Variants in GPHN observed in about 807,000 individuals in gnomAD.
GPHN encodes the protein gephyrin.
Under a neutral mutation model 95.5 loss-of-function variants are expected in GPHN, and 17 were observed. The observed-to-expected ratio is 0.18, with a 90% confidence interval of 0.12 to 0.27. The LOEUF (loss-of-function observed/expected upper bound fraction) is 0.27, where lower values mean the gene tolerates loss of function less well. Ranked by LOEUF, GPHN falls within the 10% of genes least tolerant of loss-of-function variation. GPHN has a pLI of 1.00. For missense variants in GPHN, 660 were observed against 978.1 expected (o/e 0.67, Z 4.34); for synonymous variants, 320 against 322.5 (o/e 0.99, Z 0.08).
intron 4 of GPHN, among the ~76,000 whole-genome samples, chr14:66,826,731 G>T (rs1219330878): frequency 6.6e-6 from 1 of 152,146 alleles, no homozygotes; most frequent in Non-Finnish European, 1.5e-5. Flanking sequence ...AGGTATAGGG[G>T]CAAGGAGGTT....
the GPHN span, among the ~76,000 whole-genome samples, chr14:67,479,623 C>T: frequency 2.0e-5 from 3 of 152,012 alleles, no homozygotes; most frequent in Non-Finnish European, 4.4e-5. Flanking sequence ...GAGGCTGAGG[C>T]AGGAGAATCG....
chr14:66,513,343 A>G (rs754743180), intron 1 of GPHN, among the ~76,000 whole-genome samples: 1 of 151,818 alleles, frequency 6.6e-6, no homozygotes, highest in Non-Finnish European at 1.5e-5. Context: ...AAAAACACAT[A>G]CAACTATTTG....
intron 19 of GPHN, among the ~76,000 whole-genome samples, chr14:67,160,798 C>G (rs2081933265): frequency 6.6e-6 from 1 of 152,176 alleles, no homozygotes; most frequent in Non-Finnish European, 1.5e-5. Flanking sequence ...AGCTAGCCCT[C>G]CTAATAAGTA....
intron 4 of GPHN, among the ~76,000 whole-genome samples, chr14:66,835,890 G>A (rs1354977503): frequency 4.0e-5 from 6 of 150,880 alleles, no homozygotes; most frequent in African/African-American, 1.2e-4. Flanking sequence ...TACAAGGGAT[G>A]TGAAGGACCT....
intron 1 of GPHN, among the ~76,000 whole-genome samples, chr14:66,582,681 A>G (rs534462076): frequency 6.6e-6 from 1 of 152,210 alleles, no homozygotes; most frequent in Non-Finnish European, 1.5e-5. Flanking sequence ...GATGGTTTCC[A>G]GCTTCATCCA....
chr14:67,262,366 G>A, the GPHN span, among the ~76,000 whole-genome samples: 2 of 151,694 alleles, frequency 1.3e-5, no homozygotes, highest in South Asian at 2.1e-4. Flanking sequence ...CCCTATCCCC[G>A]CCTCGAATCC....
At chr14:66,570,445 C>T (rs909498257) in intron 1 of GPHN, among the ~76,000 whole-genome samples, 2 of 151,992 alleles carry the variant, frequency 1.3e-5, no homozygotes, top group African/African-American at 4.8e-5. Flanking sequence ...GCTGGGATTA[C>T]CGGTGCCTAC....
the GPHN span, among the ~76,000 whole-genome samples, chr14:67,712,363 T>G: frequency 0.13 from 20,320 of 152,126 alleles, 1,397 homozygotes; most frequent in East Asian, 0.21. Context: ...TGTTGTTGTT[T>G]TTTGTTTTTT....
At chr14:67,352,150 G>T in the GPHN span, among the ~76,000 whole-genome samples, 1 of 151,884 alleles carries the variant, frequency 6.6e-6, no homozygotes, top group African/African-American at 2.4e-5. Flanking sequence ...AATAAAAACA[G>T]CACTCATAGA....
the GPHN span, among the ~76,000 whole-genome samples, chr14:67,477,116 C>T: frequency 6.6e-6 from 1 of 150,792 alleles, no homozygotes; most frequent in Non-Finnish European, 1.5e-5. Context: ...CAGTGAGTCG[C>T]GATCGCACCA....
At chr14:66,849,550 T>C (rs576355473) in intron 4 of GPHN, among the ~76,000 whole-genome samples, 1 of 152,146 alleles carries the variant, frequency 6.6e-6, no homozygotes, top group Admixed American at 6.6e-5. Context: ...ACCAATCTGG[T>C]AGGTGAAAAA....
intron 11 of GPHN, among the ~76,000 whole-genome samples, chr14:67,086,600 C>T (rs1017795828): frequency 6.8e-6 from 1 of 146,240 alleles, no homozygotes; most frequent in Non-Finnish European, 1.5e-5. Context: ...TGCAGTGAGC[C>T]GAGATTGCGC....
chr14:66,587,340 CA>C (rs1191095220), intron 1 of GPHN, among the ~76,000 whole-genome samples: 1 of 152,020 alleles, frequency 6.6e-6, no homozygotes, highest in African/African-American at 2.4e-5. Flanking sequence ...GAAATTCTTC[CA>C]AAAAATTGAG....
intron 15 of GPHN, among the ~76,000 whole-genome samples, 190 bp downstream of exon 15, chr14:67,112,109 T>C (rs1184492509): frequency 6.6e-6 from 1 of 152,180 alleles, no homozygotes; most frequent in Non-Finnish European, 1.5e-5. Context: ...TTAATGAAGA[T>C]GGTAAAGGCG....
chr14:67,642,045 CAA>C, the GPHN span: 1 of 838,774 alleles, frequency 1.2e-6, no homozygotes. Flanking sequence ...AATCTTCCCA[CAA>C]TCATTTGACA....
At chr14:67,734,206 G>A in the GPHN span, 5 of 286,060 alleles carry the variant, frequency 1.7e-5, no homozygotes, top group African/African-American at 1.1e-4. Flanking sequence ...GGCAAGAAGA[G>A]CACCATCACT....
intron 1 of GPHN, among the ~76,000 whole-genome samples, chr14:66,652,164 G>A (rs1267092329): frequency 1.3e-5 from 2 of 152,084 alleles, no homozygotes; most frequent in Non-Finnish European, 2.9e-5. Context: ...ATTAACTCAT[G>A]CAACAAATAT....
At chr14:67,073,375 A>T (rs952478812) in intron 11 of GPHN, among the ~76,000 whole-genome samples, 14 of 152,156 alleles carry the variant, frequency 9.2e-5, no homozygotes, top group Admixed American at 6.6e-4. Flanking sequence ...CAAGGTTTTC[A>T]TCATTAAGTA....
chr14:67,553,963 C>G, the GPHN span, among the ~76,000 whole-genome samples: 1 of 152,176 alleles, frequency 6.6e-6, no homozygotes, highest in Non-Finnish European at 1.5e-5. Flanking sequence ...GAATGCCTGT[C>G]AGAGGGGGCC....
Sources: gnomAD v4.1 joint callset for allele counts (sites outside exome capture counted in the v4.1 genomes callset) on GRCh38, gnomAD v4.1.1 for gene constraint, MANE v1.5 for transcripts, NCBI Gene and HGNC (gene_info 2026-07-23, HGNC 2026-07-21) for gene names.